CSMD1: variants seen among roughly 807,000 people sequenced by gnomAD.
The protein encoded by CSMD1 is CUB and Sushi multiple domains 1.
Under a neutral mutation model 417.5 loss-of-function variants are expected in CSMD1, and 213 were observed. The observed-to-expected ratio is 0.51, with a 90% confidence interval of 0.46 to 0.57. The LOEUF is 0.57. Among genes scored for constraint, CSMD1 ranks in the 20% least tolerant of loss-of-function variants. The probability of loss-of-function intolerance (pLI) is 0.00; values close to 1 mark genes in which losing one functional copy is unlikely to be tolerated. For missense variants in CSMD1, 6,923 were observed against 4,529.7 expected (o/e 1.53, Z -15.17); for synonymous variants, 2,862 against 1,736.8 (o/e 1.65, Z -16.11).
chr8:3,669,607 G>A (rs1273942029), intron 7 of CSMD1, among the ~76,000 whole-genome samples: 1 of 152,194 alleles, frequency 6.6e-6, no homozygotes, highest in Non-Finnish European at 1.5e-5. Flanking sequence ...AATCACGACA[G>A]GGAAGACAAG....
intron 10 of CSMD1, among the ~76,000 whole-genome samples, chr8:3,510,116 A>T (rs1797001513): frequency 6.6e-6 from 1 of 152,098 alleles, no homozygotes; most frequent in Non-Finnish European, 1.5e-5. Context: ...CCTGAACATA[A>T]GGACATGAAT....
rs567828496 is a variant in CSMD1 at position 4,581,816 on chromosome 8, G to A, written c.302+55526C>T. 1.4e-4 allele frequency among the ~76,000 whole-genome samples: 21 copies of A among 152,272 alleles called. 1 individual carries two copies. The highest frequency in any genetic ancestry group is 4.3e-4 in the African/African-American group (18 of 41,556). On this transcript the variant is annotated intron_variant, in intron 2 of 69. Transcript: ENST00000635120. The stretch of plus-strand genomic sequence containing the variant: ...GCTAGGCTCTGAGCAAATGAGTCAG[G>A]AAGCCTGGGAGGGCACAAAGCACTG...
intron 12 of CSMD1, among the ~76,000 whole-genome samples, chr8:3,447,861 C>T (rs925780860): frequency 6.6e-6 from 1 of 152,106 alleles, no homozygotes; most frequent in African/African-American, 2.4e-5. Context: ...GGTGTCTTTA[C>T]TCTTCGTTCC....
At chr8:3,278,321 T>C (rs941992395) in intron 26 of CSMD1, 13 of 152,334 alleles carry the variant, frequency 8.5e-5, no homozygotes, top group Non-Finnish European at 1.5e-4. Flanking sequence ...GGGAAAAATA[T>C]AGTAATTCAA....
intron 7 of CSMD1, among the ~76,000 whole-genome samples, chr8:3,642,680 G>C (rs1021248724): frequency 2.6e-5 from 4 of 152,128 alleles, no homozygotes. Flanking sequence ...GGGCTTATAG[G>C]AAAGAGGATA....
intron 1 of CSMD1, among the ~76,000 whole-genome samples, chr8:4,983,392 A>G (rs77772200): frequency 0.044 from 6,700 of 152,334 alleles, 194 homozygotes; most frequent in South Asian, 0.07. Context: ...TTATTAAAGA[A>G]ACAGTGAATG....
chr8:3,437,405 G>C (rs552667414), intron 12 of CSMD1, among the ~76,000 whole-genome samples: 1 of 152,114 alleles, frequency 6.6e-6, no homozygotes, highest in Non-Finnish European at 1.5e-5. Flanking sequence ...ATACAGTTCT[G>C]ACTTATCCTA....
At chr8:4,030,488 G>A (rs980427464) in intron 4 of CSMD1, among the ~76,000 whole-genome samples, 11 of 152,200 alleles carry the variant, frequency 7.2e-5, no homozygotes, top group Admixed American at 3.3e-4. Context: ...TTCAGCCACA[G>A]TTGGAGCAGC....
intron 41 of CSMD1, among the ~76,000 whole-genome samples, chr8:3,122,121 T>C (rs1170346641): frequency 6.6e-6 from 1 of 152,136 alleles, no homozygotes; most frequent in African/African-American, 2.4e-5. Flanking sequence ...ATTAACTCAG[T>C]GCTATCTTTT....
intron 2 of CSMD1, among the ~76,000 whole-genome samples, chr8:4,525,814 C>A (rs1302163912): frequency 6.6e-6 from 1 of 152,130 alleles, no homozygotes; most frequent in Non-Finnish European, 1.5e-5. Flanking sequence ...TATCTAGAAG[C>A]AGCAGGCTTC....
intron 14 of CSMD1, among the ~76,000 whole-genome samples, chr8:3,407,675 A>G (rs1238912143): frequency 6.6e-6 from 1 of 152,210 alleles, no homozygotes; most frequent in Admixed American, 6.5e-5. Context: ...GAGGAGATCC[A>G]GCTTCTTAGT....
At position 3,260,754 on chromosome 8, in the gene CSMD1, T is replaced by C. The variant is rs539699089; in HGVS notation, c.4153+23390A>G. 3.3e-5 allele frequency among the ~76,000 whole-genome samples: 5 copies of C among 152,182 alleles called. No individual in the cohort carries two copies. The East Asian group carries it at 7.7e-4, about 24-fold the overall frequency. On this transcript the variant is annotated intron_variant, in intron 26 of 69. Transcript: ENST00000635120. ...GAGTTAGGCAAGGGGCTCTTCGACT[T>C]GACAACAGAAGCACAATCCATAAAA...
At chr8:3,538,372 G>A (rs1016180300) in intron 10 of CSMD1, among the ~76,000 whole-genome samples, 1 of 152,032 alleles carries the variant, frequency 6.6e-6, no homozygotes, top group Non-Finnish European at 1.5e-5. Flanking sequence ...ATGCACCTGG[G>A]ATTCCACACC....
intron 2 of CSMD1, among the ~76,000 whole-genome samples, chr8:4,527,204 A>C (rs1442001160): frequency 1.3e-5 from 2 of 152,182 alleles, no homozygotes; most frequent in Admixed American, 1.3e-4. Flanking sequence ...AATCAGATTT[A>C]GTTGTTTTGG....
At chr8:3,400,496 G>C (rs1247637092) in intron 15 of CSMD1, among the ~76,000 whole-genome samples, 1 of 151,834 alleles carries the variant, frequency 6.6e-6, no homozygotes, top group Non-Finnish European at 1.5e-5. Flanking sequence ...TGAAATTTAT[G>C]GATTTACCAA....
At chr8:3,605,139 C>T (rs745728078) in intron 8 of CSMD1, among the ~76,000 whole-genome samples, 3 of 152,116 alleles carry the variant, frequency 2.0e-5, no homozygotes, top group Admixed American at 6.5e-5. Flanking sequence ...GGACTACAGG[C>T]GCATGCCATG....
At chr8:3,109,219 C>G (rs923481306) in intron 43 of CSMD1, among the ~76,000 whole-genome samples, 7 of 152,158 alleles carry the variant, frequency 4.6e-5, no homozygotes, top group African/African-American at 1.2e-4. Flanking sequence ...GAGCCAAGAT[C>G]GCGCCACTGC....
chr8:2,996,743 T>A (rs558824428), intron 54 of CSMD1, among the ~76,000 whole-genome samples: 4 of 152,344 alleles, frequency 2.6e-5, no homozygotes, highest in African/African-American at 9.6e-5. Context: ...TTTCTCGTGA[T>A]TGTGAAACTA....
chr8:3,654,087 T>C, intron 7 of CSMD1, among the ~76,000 whole-genome samples: 1 of 152,186 alleles, frequency 6.6e-6, no homozygotes, highest in Non-Finnish European at 1.5e-5. Context: ...GTCTCTTTTC[T>C]GTTAGAGTAG....
Sources: gnomAD v4.1 joint callset for allele counts (sites outside exome capture counted in the v4.1 genomes callset) on GRCh38, gnomAD v4.1.1 for gene constraint, MANE v1.5 for transcripts, NCBI Gene and HGNC (gene_info 2026-07-23, HGNC 2026-07-21) for gene names.